The following MCPH1 variants were observed in gnomAD, a reference collection of about 807,000 sequenced individuals.
MCPH1 encodes the protein microcephalin 1, also known as microcephalin.
In MCPH1, 104 loss-of-function variants were observed where a neutral mutation model predicts 84.5. The observed-to-expected ratio is 1.23, with a 90% CI of 1.05 to 1.45. The LOEUF is 1.45. Among genes scored for constraint, MCPH1 ranks in the 40% most tolerant of loss-of-function variants. The pLI, the probability that MCPH1 is intolerant of heterozygous loss-of-function variation, is 0.00. For synonymous variants in MCPH1, 514 were observed against 366.8 expected (o/e 1.40, Z -4.58); for missense variants, 1,498 against 1,005.7 (o/e 1.49, Z -6.62).
chr8:6,494,653 A>G lies in MCPH1; in HGVS notation c.2137-5199A>G, dbSNP rs372653963. 3.3e-5 allele frequency: 5 copies of G among 152,378 alleles called. No homozygotes were observed. In the East Asian group the frequency reaches 5.8e-4, roughly 18 times the overall value. 9.4% of individuals were successfully genotyped at this position (152,378 alleles called of 1,614,324 possible). A position where few individuals can be genotyped will look rare whatever the true frequency, so the allele number is the denominator to read the frequency against. ...GTGAAAGGAGCCAGACACAAAAAGC[A>G]CATGTTGTATAATTCCTTTCAGACA... On this transcript the variant is annotated intron_variant, in intron 11 of 13. Coordinates refer to ENST00000344683, the MANE Select transcript of MCPH1 (RefSeq NM_024596.5).
Position 6,444,685 on chromosome 8 carries a change from G to A in MCPH1, c.963G>A (p.Met321Ile). Reference sequence around the variant, plus strand: ...CTGACCAAAAGCAGGCTGCAGGTATGTCTCAGGAGACGTTTGAAGAGAAGT... The same window carrying A: ...CTGACCAAAAGCAGGCTGCAGGTATATCTCAGGAGACGTTTGAAGAGAAGT... The part of the protein sequence containing the change: ...VTPDQKQAAG[M>I]SQETFEEKYR... The change falls in exon 8 of 14, where the codon ATG becomes ATA. Residue 321 changes from methionine (M) to isoleucine (I), a missense_variant. By Grantham distance (10) the Met-to-Ile change is conservative. Transcript: ENST00000344683. 4 of 1,614,084 alleles carry A rather than the reference G, an allele frequency of 2.5e-6. No individual in the cohort carries two copies. The highest frequency in any genetic ancestry group is 2.5e-6 in the Non-Finnish European group (3 of 1,180,034).
intron 12 of MCPH1, among the ~76,000 whole-genome samples, chr8:6,615,336 G>T (rs1563192794): frequency 6.6e-6 from 1 of 152,192 alleles, no homozygotes; most frequent in African/African-American, 2.4e-5. Context: ...AACTTCTAGG[G>T]TGTCCTGAGA....
chr8:6,433,357 A>T (rs1482776991), intron 4 of MCPH1, among the ~76,000 whole-genome samples: 8 of 152,164 alleles, frequency 5.3e-5, no homozygotes, highest in Non-Finnish European at 1.0e-4. Context: ...TCTTGGCCAG[A>T]TACAGTGGCT....
chr8:6,507,179 G>A (rs1028758336), intron 12 of MCPH1, among the ~76,000 whole-genome samples: 2 of 152,102 alleles, frequency 1.3e-5, no homozygotes, highest in African/African-American at 2.4e-5. Context: ...ATTACAAGCG[G>A]GGGCCACCAT....
intron 8 of MCPH1, chr8:6,446,178 T>A (rs1054270943): frequency 2.5e-5 from 22 of 889,690 alleles, no homozygotes; most frequent in Admixed American, 6.2e-5. Context: ...ATAATTTAAT[T>A]GTAATTATAA....
rs11280683 is a variant in MCPH1, at chr8:6,609,819, G to GCCCCCCCCCCCCCCCC, written c.2215-11625_2215-11624insCCCCCCCCCCCCCCCC. Among the ~76,000 whole-genome samples the GCCCCCCCCCCCCCCCC allele has an allele frequency of 4.2e-4, 44 of 104,062 alleles. 6 individuals are homozygous for GCCCCCCCCCCCCCCCC. The highest frequency in any genetic ancestry group is 1.8e-3 in the South Asian group (4 of 2,220). The allele number at this position is 104,062 out of a possible 152,430, so 68.3% of individuals were successfully genotyped here. On this transcript the variant is annotated intron_variant, in intron 12 of 13. Transcript: ENST00000344683. ...TCTCATTATCAAAGCAATGCCCCCC[G>GCCCCCCCCCCCCCCCC]CCCCCCCCCCACACACAGACTGCCA...
chr8:6,572,284 G>A (rs1826723631), intron 12 of MCPH1, among the ~76,000 whole-genome samples: 1 of 152,012 alleles, frequency 6.6e-6, no homozygotes, highest in African/African-American at 2.4e-5. Flanking sequence ...AAATCCTGAT[G>A]CGCATTTAAA....
chr8:6,542,053 G>A (rs375291742), intron 12 of MCPH1, among the ~76,000 whole-genome samples: 18 of 149,542 alleles, frequency 1.2e-4, no homozygotes, highest in African/African-American at 4.4e-4. Flanking sequence ...ATTACAAATA[G>A]AAGCAGTTAA....
chr8:6,571,064 G>T (rs1826621737), intron 12 of MCPH1, among the ~76,000 whole-genome samples: 1 of 151,780 alleles, frequency 6.6e-6, no homozygotes, highest in South Asian at 2.1e-4. Flanking sequence ...TATGCTGTTT[G>T]ATTTTTAAAT....
At chr8:6,578,878 C>T (rs1343115553) in intron 12 of MCPH1, among the ~76,000 whole-genome samples, 1 of 152,202 alleles carries the variant, frequency 6.6e-6, no homozygotes, top group African/African-American at 2.4e-5. Flanking sequence ...GCACAGGTTG[C>T]TTCTCTGGCC....
chr8:6,586,970 C>A (rs1488073249), intron 12 of MCPH1, among the ~76,000 whole-genome samples: 3 of 152,062 alleles, frequency 2.0e-5, no homozygotes, highest in African/African-American at 7.2e-5. Context: ...AGCCGAGCCC[C>A]GTTGCAGGCA....
intron 11 of MCPH1, among the ~76,000 whole-genome samples, chr8:6,490,983 T>C (rs1810504383): frequency 6.7e-6 from 1 of 149,046 alleles, no homozygotes; most frequent in Admixed American, 6.7e-5. Context: ...ATAACAATTA[T>C]TTAATATTAA....
chr8:6,627,383 C>G (rs1796817236), intron 13 of MCPH1: 3 of 764,072 alleles, frequency 3.9e-6, no homozygotes, highest in Non-Finnish European at 1.6e-6. Flanking sequence ...CAAGGACGGC[C>G]TCATTTTATC....
chr8:6,514,277 C>T (rs1815789944), intron 12 of MCPH1, among the ~76,000 whole-genome samples: 1 of 152,180 alleles, frequency 6.6e-6, no homozygotes, highest in Non-Finnish European at 1.5e-5. Context: ...GCACCCTCTG[C>T]CTCCCAGGTT....
chr8:6,497,699 A>C (rs1811407173), intron 11 of MCPH1, among the ~76,000 whole-genome samples: 1 of 152,192 alleles, frequency 6.6e-6, no homozygotes, highest in Non-Finnish European at 1.5e-5. Flanking sequence ...ATCGAAATGC[A>C]TATGTGGCGG....
At chr8:6,468,202 G>C (rs1379670192) in intron 9 of MCPH1, among the ~76,000 whole-genome samples, 2 of 152,158 alleles carry the variant, frequency 1.3e-5, no homozygotes, top group African/African-American at 4.8e-5. Flanking sequence ...TGGGCTCTGT[G>C]GCTTCTCTCC....
chr8:6,496,146 A>T (rs7828567), intron 11 of MCPH1, among the ~76,000 whole-genome samples: 2 of 152,062 alleles, frequency 1.3e-5, no homozygotes, highest in Non-Finnish European at 2.9e-5. Flanking sequence ...GGGAGCCCTG[A>T]GCTTGTTTTC....
intron 3 of MCPH1, among the ~76,000 whole-genome samples, chr8:6,427,478 C>T (rs542585007): frequency 1.3e-5 from 2 of 152,192 alleles, no homozygotes; most frequent in South Asian, 2.1e-4. Context: ...CTCAAGCAAT[C>T]CTCCTGCCTC....
intron 12 of MCPH1, among the ~76,000 whole-genome samples, chr8:6,600,333 C>T (rs1236412976): frequency 6.6e-6 from 1 of 152,242 alleles, no homozygotes; most frequent in Non-Finnish European, 1.5e-5. Context: ...CTCTAGCTGG[C>T]CGTGGGTGCT....
Sources: allele counts gnomAD v4.1 joint callset (sites outside exome capture counted in the v4.1 genomes callset), GRCh38; gene constraint gnomAD v4.1.1; transcripts MANE v1.5; gene names NCBI Gene and HGNC (gene_info 2026-07-23, HGNC 2026-07-21).